The following LYSMD3 variants were observed in gnomAD, a reference collection of about 807,000 sequenced individuals.
LYSMD3 encodes the protein LysM domain containing 3.
Under a neutral mutation model 26.1 loss-of-function variants are expected in LYSMD3, and 13 were observed. The observed-to-expected ratio is 0.50, with a 90% CI of 0.32 to 0.79. The LOEUF (loss-of-function observed/expected upper bound fraction) is 0.79, where lower values mean the gene tolerates loss of function less well. Among genes scored for constraint, LYSMD3 ranks in the 30% least tolerant of loss-of-function variants. The probability of loss-of-function intolerance (pLI) is 0.03; values close to 1 mark genes in which losing one functional copy is unlikely to be tolerated. For synonymous variants in LYSMD3, 109 were observed against 119.4 expected, an observed-to-expected ratio of 0.91 and a Z score of 0.57; for missense variants, 331 against 362.5, an observed-to-expected ratio of 0.91 and a Z score of 0.71.
intron 1 of LYSMD3, 183 bp downstream of exon 1, chr5:90,529,265 C>A: frequency 2.7e-6 from 1 of 374,220 alleles, no homozygotes; most frequent in Non-Finnish European, 5.3e-6. Context: ...GACAAGAGGG[C>A]CTGGCAGGGC....
chr5:90,525,081 T>C lies in LYSMD3; in HGVS notation c.209A>G (p.Gln70Arg). 1.9e-6 allele frequency: 3 copies of C among 1,613,102 alleles called. No homozygotes were observed. Among genetic ancestry groups the C allele is most frequent in the South Asian group, 2.2e-5 (2 of 90,976 alleles). ...TATTGCATTTAATGTATCTCCTTCT[T>C]GTATATCTTTTGTTAATACTATAAT... ...DDIIVLTKDI[Q>R]EGDTLNAIAL... Residue 70 changes from glutamine to arginine, a missense_variant, in exon 2 of 3, where the codon CAA becomes CGA. Transcript: ENST00000315948.
At chr5:90,521,010 C>T (rs979554743) in intron 2 of LYSMD3, among the ~76,000 whole-genome samples, 16 of 152,064 alleles carry the variant, frequency 1.1e-4, no homozygotes, top group African/African-American at 3.6e-4. Flanking sequence ...AAGATCATCC[C>T]TGAAGAACTC....
Position 90,525,140 on chromosome 5 carries a change from G to C in LYSMD3, c.150C>G (p.Val50=). ...YELRSRGKEK[V]RRSTSRDRLD... is the part of the protein sequence containing the mutation. ...GTCTATCTCTTGATGTACTTCTTCG[G>C]ACTTTCTCTTTTCCTCTGGATCGAA... Residue 50 remains valine (V), a synonymous_variant, in exon 2 of 3, where the codon GTC becomes GTG. Coordinates refer to ENST00000315948, the MANE Select transcript of LYSMD3 (RefSeq NM_198273.2). 6.2e-7 allele frequency: 1 copy of C among 1,613,942 alleles called. No homozygotes were observed. Among genetic ancestry groups the C allele is most frequent in the Non-Finnish European group, 8.5e-7 (1 of 1,179,950 alleles).
rs990713070 is a variant in LYSMD3, at chr5:90,516,763, C to G, written c.*2056G>C. On this transcript the variant is annotated 3_prime_UTR_variant, in exon 3 of 3. Transcript: ENST00000315948. ...GATGTGTTATAAGGATGTATATTTC[C>G]TTCAAAAAAGGATACTCTGCAAGAC... 9 of 152,188 alleles carry G rather than the reference C, an allele frequency of 5.9e-5. 1 individual carries two copies. Among genetic ancestry groups the G allele is most frequent in the African/African-American group, 2.2e-4 (9 of 41,348 alleles). 9.4% of individuals were successfully genotyped at this position (152,188 alleles called of 1,614,324 possible).
intron 2 of LYSMD3, among the ~76,000 whole-genome samples, chr5:90,521,238 G>A (rs1025823425): frequency 1.3e-5 from 2 of 152,066 alleles, no homozygotes; most frequent in African/African-American, 4.8e-5. Flanking sequence ...CTACATTATA[G>A]GGTTGAGGTG....
At chr5:90,523,512 T>C (rs1421436971) in intron 2 of LYSMD3, among the ~76,000 whole-genome samples, 2 of 151,974 alleles carry the variant, frequency 1.3e-5, no homozygotes, top group Non-Finnish European at 2.9e-5. Flanking sequence ...AAAAATACTT[T>C]ACATCATGAA....
At chr5:90,524,992 A>G (rs900634104) in intron 2 of LYSMD3, 43 bp downstream of exon 2, 9 of 1,455,208 alleles carry the variant, frequency 6.2e-6, no homozygotes, top group Non-Finnish European at 8.3e-6. Flanking sequence ...GTGCGTAAAC[A>G]AATAATTTCT....
At chr5:90,521,571 C>T (rs1213585349) in intron 2 of LYSMD3, among the ~76,000 whole-genome samples, 2 of 152,150 alleles carry the variant, frequency 1.3e-5, no homozygotes, top group African/African-American at 2.4e-5. Flanking sequence ...TTACTACCTT[C>T]GCACTGTTTT....
chr5:90,528,552 G>A (rs1753280520), intron 1 of LYSMD3, among the ~76,000 whole-genome samples: 1 of 152,092 alleles, frequency 6.6e-6, no homozygotes, highest in Non-Finnish European at 1.5e-5. Context: ...GCTGACTATC[G>A]TGTTACAAAT....
intron 1 of LYSMD3, among the ~76,000 whole-genome samples, chr5:90,528,320 T>C (rs189146461): frequency 1.3e-5 from 2 of 152,352 alleles, no homozygotes; most frequent in Admixed American, 1.3e-4. Context: ...GACCTACTTA[T>C]GTGTCTTGTT....
rs1561266090 is a variant in LYSMD3 at position 90,519,497 on chromosome 5, A to AT, written c.256-14_256-13insA. Reference sequence around the variant, plus strand: ...TGATATCTGCTACCTGTGGGGGGGAAAAAAAAGCAACATACAACTGAATTC... The same window carrying AT: ...TGATATCTGCTACCTGTGGGGGGGAATAAAAAAGCAACATACAACTGAATTC... On this transcript the variant is annotated splice_polypyrimidine_tract_variant and intron_variant, in intron 2 of 2. Coordinates refer to ENST00000315948, the MANE Select transcript of LYSMD3 (RefSeq NM_198273.2). The AT allele has an allele frequency of 6.3e-7, 1 of 1,586,338 alleles. No homozygotes were observed. Among genetic ancestry groups the AT allele is most frequent in the East Asian group, 2.2e-5 (1 of 44,570 alleles).
chr5:90,516,484 C>A lies in LYSMD3; in HGVS notation c.*2335G>T, dbSNP rs1752952167. On this transcript the variant is annotated 3_prime_UTR_variant, in exon 3 of 3. Transcript: ENST00000315948. ...GAAGGGTGTCAACACAATTAAAATC[C>A]ATAATGTTAAACAATAACTGTGCTT... is the stretch of plus-strand genomic sequence containing the variant. 2 of 151,962 alleles carry A rather than the reference C, an allele frequency of 1.3e-5. No homozygotes were observed. Among genetic ancestry groups the A allele is most frequent in the African/African-American group, 4.8e-5 (2 of 41,402 alleles). 9.4% of individuals were successfully genotyped at this position (151,962 alleles called of 1,614,324 possible). A position where few individuals can be genotyped will look rare whatever the true frequency, so the allele number is the denominator to read the frequency against.
At chr5:90,529,582 TCCGCCTTCCGGGCCGTACG>T (rs1051219927) in exon 1 of LYSMD3, 1 of 455,402 alleles carries the variant, frequency 2.2e-6, no homozygotes, top group African/African-American at 2.0e-5. Flanking sequence ...CGCCAACGTC[TCCGCCTTCCGGGCCGTACG>T]CCGCCGCCAC....
At chr5:90,520,492 A>AT (rs35118083) in intron 2 of LYSMD3, 165,818 of 455,818 alleles carry the variant, frequency 0.36, 31,776 homozygotes, top group Non-Finnish European at 0.42. Flanking sequence ...CTAAATGCAG[A>AT]TTTTAGATAT....
rs1056882882 is a variant in LYSMD3, at chr5:90,517,262, T to C, written c.*1557A>G. 2.0e-5 allele frequency: 3 copies of C among 152,148 alleles called. No individual in the cohort carries two copies. The highest frequency in any genetic ancestry group is 2.9e-5 in the Non-Finnish European group (2 of 67,920). The allele number at this position is 152,148 out of a possible 1,614,324, so 9.4% of individuals were successfully genotyped here. ...TTTCCTGATGGTCTTCTCCTGAAAG[T>C]ACATAAAACTGCATTTGCCATAAAT... is the stretch of plus-strand genomic sequence containing the variant. On this transcript the variant is annotated 3_prime_UTR_variant, in exon 3 of 3. Coordinates refer to ENST00000315948, the MANE Select transcript of LYSMD3 (RefSeq NM_198273.2).
intron 1 of LYSMD3, among the ~76,000 whole-genome samples, chr5:90,527,601 C>T (rs1050031353): frequency 7.2e-5 from 11 of 152,042 alleles, no homozygotes; most frequent in African/African-American, 2.7e-4. Flanking sequence ...AACTTTTGTG[C>T]ACAAATCATA....
At chr5:90,522,737 A>G (rs1029928706) in intron 2 of LYSMD3, among the ~76,000 whole-genome samples, 1 of 152,050 alleles carries the variant, frequency 6.6e-6, no homozygotes, top group Non-Finnish European at 1.5e-5. Flanking sequence ...GTATGGATCA[A>G]ACTTTTCCAT....
rs1230190778 is a variant in LYSMD3 at position 90,529,537 on chromosome 5, T to C, written c.-101A>G. ...CCGGGTAAGTTCATGGCCGAGCCTC[T>C]GCTTTGGGCTGACCCCGTCCGCCTC... On this transcript the variant is annotated 5_prime_UTR_variant, in exon 1 of 3. Coordinates refer to ENST00000315948, the MANE Select transcript of LYSMD3 (RefSeq NM_198273.2). The C allele has an allele frequency of 1.1e-5, 5 of 456,580 alleles. No homozygotes were observed. Among genetic ancestry groups the C allele is most frequent in the East Asian group, 6.9e-5 (1 of 14,406 alleles). 28.3% of individuals were successfully genotyped at this position (456,580 alleles called of 1,614,324 possible).
At position 90,515,851 on chromosome 5, in the gene LYSMD3, C is replaced by T. The variant is rs78301365; in HGVS notation, c.*2968G>A. ...GATCTAACAGTGCAATATGCACATA[C>T]GTGGAAGAAAATACTGATTACCTGA... On this transcript the variant is annotated 3_prime_UTR_variant, in exon 3 of 3. Transcript: ENST00000315948. The T allele has an allele frequency of 6.6e-6, 1 of 152,110 alleles. No homozygotes were observed. Among genetic ancestry groups the T allele is most frequent in the Non-Finnish European group, 1.5e-5 (1 of 67,980 alleles). The allele number at this position is 152,110 out of a possible 1,614,324, so 9.4% of individuals were successfully genotyped here. A position where few individuals can be genotyped will look rare whatever the true frequency, so the allele number is the denominator to read the frequency against.
Sources: gnomAD v4.1 joint callset for allele counts (sites outside exome capture counted in the v4.1 genomes callset) on GRCh38, gnomAD v4.1.1 for gene constraint, MANE v1.5 for transcripts, NCBI Gene and HGNC (gene_info 2026-07-23, HGNC 2026-07-21) for gene names.